ASIC2: variants seen among roughly 807,000 people sequenced by gnomAD.
ASIC2 encodes the protein acid-sensing ion channel 2.
Under a neutral mutation model 57.3 loss-of-function variants are expected in ASIC2, and 25 were observed. That is an observed-to-expected ratio of 0.44 (90% CI 0.32 to 0.61). ASIC2 has a LOEUF of 0.61. Ranked by LOEUF, ASIC2 falls within the 20% of genes least tolerant of loss-of-function variation. The pLI, the probability that ASIC2 is intolerant of heterozygous loss-of-function variation, is 0.06. For missense variants in ASIC2, 641 were observed against 738.1 expected, an observed-to-expected ratio of 0.87 and a Z score of 1.52; for synonymous variants, 319 against 307.5, an observed-to-expected ratio of 1.04 and a Z score of -0.39.
intron 1 of ASIC2, among the ~76,000 whole-genome samples, chr17:33,349,127 G>C (rs764372993): frequency 6.6e-6 from 1 of 152,158 alleles, no homozygotes; most frequent in Non-Finnish European, 1.5e-5. Flanking sequence ...TGAAAGGAGC[G>C]GCTGCTTCTC....
At chr17:34,143,694 G>A (rs561377032) in intron 1 of ASIC2, among the ~76,000 whole-genome samples, 1 of 152,304 alleles carries the variant, frequency 6.6e-6, no homozygotes, top group Non-Finnish European at 1.5e-5. Flanking sequence ...AGAACACTGG[G>A]CGTCAAACTT....
At chr17:33,177,126 G>A (rs1905791156) in intron 1 of ASIC2, among the ~76,000 whole-genome samples, 1 of 152,182 alleles carries the variant, frequency 6.6e-6, no homozygotes, top group Admixed American at 6.5e-5. Context: ...ATTCAGGGGT[G>A]GGGAAGCTCT....
intron 1 of ASIC2, among the ~76,000 whole-genome samples, chr17:33,606,593 T>A (rs1265834154): frequency 6.6e-6 from 1 of 152,204 alleles, no homozygotes; most frequent in East Asian, 1.9e-4. Flanking sequence ...ATGTGGTCTG[T>A]GCTTCTTCTC....
chr17:34,092,434 A>G (rs1040479132), intron 1 of ASIC2, among the ~76,000 whole-genome samples: 21 of 152,220 alleles, frequency 1.4e-4, no homozygotes, highest in Admixed American at 1.0e-3. Flanking sequence ...GAAGTGATTA[A>G]GTCCCACCCT....
intron 1 of ASIC2, among the ~76,000 whole-genome samples, chr17:33,738,550 T>C (rs1450589580): frequency 6.6e-6 from 1 of 152,128 alleles, no homozygotes; most frequent in Non-Finnish European, 1.5e-5. Flanking sequence ...GCCAATAAGC[T>C]TCAGTTTCCC....
intron 1 of ASIC2, among the ~76,000 whole-genome samples, chr17:33,585,064 C>T (rs1904576622): frequency 6.6e-6 from 1 of 152,294 alleles, no homozygotes; most frequent in East Asian, 1.9e-4. Context: ...GCTACAGCCT[C>T]CTTCCCTCCA....
intron 1 of ASIC2, among the ~76,000 whole-genome samples, chr17:33,585,121 T>C (rs926957352): frequency 2.0e-5 from 3 of 152,124 alleles, no homozygotes; most frequent in African/African-American, 7.2e-5. Flanking sequence ...TCTAATTTAG[T>C]TGGGGTGGAA....
chr17:33,044,282 C>T (rs2091942464), intron 3 of ASIC2, among the ~76,000 whole-genome samples: 1 of 151,940 alleles, frequency 6.6e-6, no homozygotes, highest in South Asian at 2.1e-4. Flanking sequence ...ATCCATCCAT[C>T]CATCCATCCA....
chr17:33,204,852 GC>G, intron 1 of ASIC2, among the ~76,000 whole-genome samples: 1 of 152,298 alleles, frequency 6.6e-6, no homozygotes, highest in South Asian at 2.1e-4. Flanking sequence ...AGACAGAAGG[GC>G]CATGAATGAA....
intron 1 of ASIC2, among the ~76,000 whole-genome samples, chr17:33,344,641 G>T (rs1327688833): frequency 1.3e-5 from 2 of 152,118 alleles, no homozygotes; most frequent in Non-Finnish European, 2.9e-5. Flanking sequence ...AAATGAGATA[G>T]TGTGTTGAAT....
intron 1 of ASIC2, among the ~76,000 whole-genome samples, chr17:33,570,716 G>A (rs923248186): frequency 6.6e-6 from 1 of 152,126 alleles, no homozygotes; most frequent in Non-Finnish European, 1.5e-5. Flanking sequence ...AGTTCATTTA[G>A]GTGACTACCA....
chr17:33,025,065 A>C (rs1431731376), intron 5 of ASIC2, among the ~76,000 whole-genome samples: 1 of 151,356 alleles, frequency 6.6e-6, no homozygotes, highest in Non-Finnish European at 1.5e-5. Flanking sequence ...ATCAGAAGTC[A>C]CTCCCTCTCC....
chr17:33,283,911 G>GT (rs542710187), intron 1 of ASIC2, among the ~76,000 whole-genome samples: 42 of 152,322 alleles, frequency 2.8e-4, no homozygotes, highest in Admixed American at 2.7e-3. Context: ...GATGCAGTGC[G>GT]TTGACTTTGG....
intron 1 of ASIC2, among the ~76,000 whole-genome samples, chr17:33,299,209 C>T (rs143464273): frequency 6.6e-6 from 1 of 152,286 alleles, no homozygotes; most frequent in East Asian, 1.9e-4. Context: ...CTACAGTAAC[C>T]AAAACAGCAT....
chr17:34,067,796 T>TACAAA (rs1233568492), intron 1 of ASIC2, among the ~76,000 whole-genome samples: 1 of 152,170 alleles, frequency 6.6e-6, no homozygotes, highest in Non-Finnish European at 1.5e-5. Context: ...AATCCCAGAT[T>TACAAA]ACAAAGTAAC....
chr17:34,031,777 AT>A (rs1422560069), intron 1 of ASIC2, among the ~76,000 whole-genome samples: 1 of 152,234 alleles, frequency 6.6e-6, no homozygotes, highest in Non-Finnish European at 1.5e-5. Flanking sequence ...GGAAGATGAA[AT>A]GAATGAAATG....
intron 1 of ASIC2, among the ~76,000 whole-genome samples, chr17:33,529,475 C>G (rs1012657582): frequency 2.6e-5 from 4 of 152,128 alleles, no homozygotes; most frequent in Middle Eastern, 3.2e-3. Context: ...CAGACACCAC[C>G]CCAGAACTAC....
chr17:33,662,516 A>G (rs549795326), intron 1 of ASIC2, among the ~76,000 whole-genome samples: 54 of 151,688 alleles, frequency 3.6e-4, no homozygotes, highest in Non-Finnish European at 5.4e-4. Flanking sequence ...CCAGCTACTC[A>G]GGAGACTGAG....
At chr17:33,077,340 G>A (rs1300797094) in intron 3 of ASIC2, among the ~76,000 whole-genome samples, 1 of 152,106 alleles carries the variant, frequency 6.6e-6, no homozygotes, top group African/African-American at 2.4e-5. Flanking sequence ...TGGAGCAATT[G>A]ATGAACCAAT....
Sources: gnomAD v4.1 joint callset for allele counts (sites outside exome capture counted in the v4.1 genomes callset) on GRCh38, gnomAD v4.1.1 for gene constraint, MANE v1.5 for transcripts, NCBI Gene and HGNC (gene_info 2026-07-23, HGNC 2026-07-21) for gene names.